The following TBC1D22A variants were observed in gnomAD, a reference collection of about 807,000 sequenced individuals.
TBC1D22A encodes the protein TBC1 domain family member 22A.
Under a neutral mutation model 60.2 loss-of-function variants are expected in TBC1D22A, and 38 were observed. The observed-to-expected ratio is 0.63, with a 90% CI of 0.49 to 0.83. TBC1D22A has a LOEUF of 0.83. Among genes scored for constraint, TBC1D22A ranks in the 40% least tolerant of loss-of-function variants. The pLI is 0.00. For missense variants in TBC1D22A, 628 were observed against 701.0 expected (o/e 0.90, Z 1.18); for synonymous variants, 302 against 281.7 (o/e 1.07, Z -0.72).
At chr22:46,881,146 C>G (rs1602290841) in intron 5 of TBC1D22A, among the ~76,000 whole-genome samples, 1 of 152,198 alleles carries the variant, frequency 6.6e-6, no homozygotes, top group Admixed American at 6.5e-5. Flanking sequence ...TCCCTACCCA[C>G]CCCATTGCTT....
At chr22:46,927,085 A>G (rs1440559364) in intron 8 of TBC1D22A, among the ~76,000 whole-genome samples, 3 of 152,230 alleles carry the variant, frequency 2.0e-5, no homozygotes, top group Admixed American at 2.0e-4. Flanking sequence ...AGGAGGGAGC[A>G]CTTTTCACCT....
At chr22:46,900,367 G>A (rs2068922393) in intron 7 of TBC1D22A, among the ~76,000 whole-genome samples, 1 of 151,966 alleles carries the variant, frequency 6.6e-6, no homozygotes, top group African/African-American at 2.4e-5. Context: ...GGTCAGACTG[G>A]TCTTGAACTC....
intron 8 of TBC1D22A, among the ~76,000 whole-genome samples, chr22:46,943,844 C>G (rs1009088534): frequency 1.3e-5 from 2 of 152,132 alleles, no homozygotes; most frequent in African/African-American, 4.8e-5. Context: ...TTTCATTGAC[C>G]GTAATGTTTT....
intron 10 of TBC1D22A, among the ~76,000 whole-genome samples, chr22:47,001,202 T>C (rs185001908): frequency 4.6e-5 from 7 of 152,158 alleles, no homozygotes; most frequent in Admixed American, 4.6e-4. Flanking sequence ...TCAGTTATGA[T>C]GATTCTATAC....
intron 10 of TBC1D22A, among the ~76,000 whole-genome samples, chr22:47,018,496 G>C (rs1330153931): frequency 6.6e-6 from 1 of 152,240 alleles, no homozygotes; most frequent in South Asian, 2.1e-4. Context: ...CGGCTCGGCT[G>C]TCCTGCCTCT....
intron 11 of TBC1D22A, among the ~76,000 whole-genome samples, chr22:47,042,853 T>C (rs1036476587): frequency 7.9e-5 from 12 of 152,220 alleles, no homozygotes; most frequent in African/African-American, 2.9e-4. Context: ...ATGTCTTCAT[T>C]TTATTTTCTT....
At chr22:47,079,766 GACTTAC>G (rs2064383252) in intron 11 of TBC1D22A, among the ~76,000 whole-genome samples, 1 of 152,152 alleles carries the variant, frequency 6.6e-6, no homozygotes, top group African/African-American at 2.4e-5. Flanking sequence ...CAATATAGTA[GACTTAC>G]ACTTAATCAT....
At position 47,009,390 on chromosome 22, in the gene TBC1D22A, C is replaced by A. The variant is rs1254757368; in HGVS notation, c.1201+11681C>A. On this transcript the variant is annotated intron_variant, in intron 10 of 12. Coordinates refer to ENST00000337137, the MANE Select transcript of TBC1D22A (RefSeq NM_014346.5). The surrounding 1 kb of genome is among the most constrained non-coding windows in gnomAD (Gnocchi z 5.8). ...CACCATCATCATTTCATCACCATCA[C>A]CATCATTTCCATCATCACCATCATT... Among the ~76,000 whole-genome samples the A allele has an allele frequency of 6.6e-6, 1 of 150,906 alleles. No individual in the cohort carries two copies. The highest frequency in any genetic ancestry group is 1.5e-5 in the Non-Finnish European group (1 of 67,790).
At chr22:46,956,331 A>G (rs2073188303) in intron 8 of TBC1D22A, among the ~76,000 whole-genome samples, 1 of 152,156 alleles carries the variant, frequency 6.6e-6, no homozygotes, top group Admixed American at 6.5e-5. Context: ...CACGCCTGTA[A>G]TCCCAGCTCT....
intron 8 of TBC1D22A, among the ~76,000 whole-genome samples, chr22:46,940,716 A>AC (rs142402615): frequency 2.1e-4 from 27 of 126,208 alleles, no homozygotes; most frequent in Non-Finnish European, 3.1e-4. Flanking sequence ...ATGTATATAC[A>AC]CACACACACA....
At chr22:46,796,686 C>G (rs743139) in intron 3 of TBC1D22A, among the ~76,000 whole-genome samples, 97,530 of 146,324 alleles carry the variant, frequency 0.67, 32,069 homozygotes, top group Middle Eastern at 0.75. Flanking sequence ...TTGGATCCCC[C>G]TGGGCCTGTC....
chr22:46,817,284 T>A (rs962912998), intron 4 of TBC1D22A, among the ~76,000 whole-genome samples: 16 of 151,482 alleles, frequency 1.1e-4, no homozygotes, highest in Non-Finnish European at 1.6e-4. Context: ...TTATTCCTTC[T>A]AAAAAAAATC....
chr22:46,970,303 C>T (rs2073996991), intron 8 of TBC1D22A, among the ~76,000 whole-genome samples: 1 of 152,060 alleles, frequency 6.6e-6, no homozygotes, highest in Admixed American at 6.5e-5. Flanking sequence ...GGTTCTGCTT[C>T]CTGTCTCTGC....
At chr22:47,143,314 A>G (rs1040058140) in intron 12 of TBC1D22A, among the ~76,000 whole-genome samples, 3 of 152,194 alleles carry the variant, frequency 2.0e-5, no homozygotes, top group African/African-American at 7.2e-5. Flanking sequence ...AAGTCCATAA[A>G]TCTCTGGCCT....
At chr22:47,021,206 C>T (rs571648098) in intron 10 of TBC1D22A, among the ~76,000 whole-genome samples, 2 of 150,160 alleles carry the variant, frequency 1.3e-5, no homozygotes, top group South Asian at 2.1e-4. Flanking sequence ...GCCTGGAGCC[C>T]TGAGCAGGGA....
intron 7 of TBC1D22A, among the ~76,000 whole-genome samples, chr22:46,903,124 A>AT (rs1203432269): frequency 6.6e-6 from 1 of 152,040 alleles, no homozygotes; most frequent in African/African-American, 2.4e-5. Flanking sequence ...GTCTCTGTGG[A>AT]TCTCTTTCCT....
At chr22:46,897,589 C>G (rs1186795436) in intron 7 of TBC1D22A, among the ~76,000 whole-genome samples, 1 of 148,628 alleles carries the variant, frequency 6.7e-6, no homozygotes, top group African/African-American at 2.5e-5. Flanking sequence ...GCCTCTGGTC[C>G]TTTTGTTACC....
At position 46,880,436 on chromosome 22, in the gene TBC1D22A, G is replaced by A. The variant is rs888217651; in HGVS notation, c.708+1713G>A. 4.6e-5 allele frequency among the ~76,000 whole-genome samples: 7 copies of A among 152,336 alleles called. 1 individual carries two copies. Among genetic ancestry groups the A allele is most frequent in the East Asian group, 1.9e-4 (1 of 5,186 alleles). ...TTTTATAGTGATCTTGGGGGCCCAA[G>A]CATTTTCCTTCACAAGAGAAAGCCT... On this transcript the variant is annotated intron_variant, in intron 5 of 12. Transcript: ENST00000337137.
Position 46,792,550 on chromosome 22 carries a change from C to T in TBC1D22A, c.93C>T (p.Pro31=), listed in dbSNP as rs756428408. The change falls in exon 2 of 13, where the codon CCC becomes CCT. Residue 31 remains proline (P), a synonymous_variant. Coordinates refer to ENST00000337137, the MANE Select transcript of TBC1D22A (RefSeq NM_014346.5). ...AGCACGTGTATGGTGCCCAGCACCC[C>T]CCCTTTGATCCACTGTTACATGGCA... ...SIQHVYGAQH[P]PFDPLLHGTL... 1.6e-5 allele frequency: 26 copies of T among 1,614,116 alleles called. No homozygotes were observed. Among genetic ancestry groups the T allele is most frequent in the Non-Finnish European group, 2.2e-5 (26 of 1,180,056 alleles).
Sources: gnomAD v4.1 joint callset for allele counts (sites outside exome capture counted in the v4.1 genomes callset) on GRCh38, gnomAD v4.1.1 for gene constraint, Gnocchi (gnomAD v3.1) non-coding constraint, MANE v1.5 for transcripts, NCBI Gene and HGNC (gene_info 2026-07-23, HGNC 2026-07-21) for gene names.